TXLNB: variants seen among roughly 807,000 people sequenced by gnomAD.
TXLNB encodes beta-taxilin.
Under a neutral mutation model 57.4 loss-of-function variants are expected in TXLNB, and 37 were observed. That is an observed-to-expected ratio of 0.64 (90% CI 0.50 to 0.85). The LOEUF (loss-of-function observed/expected upper bound fraction) is 0.85, where lower values mean the gene tolerates loss of function less well. Ranked by LOEUF, TXLNB falls within the 40% of genes least tolerant of loss-of-function variation. The pLI, the probability that TXLNB is intolerant of heterozygous loss-of-function variation, is 0.00. For synonymous variants in TXLNB, 302 were observed against 309.6 expected (o/e 0.98, Z 0.26); for missense variants, 848 against 825.6 (o/e 1.03, Z -0.33).
At chr6:139,301,011 T>C in the TXLNB span, among the ~76,000 whole-genome samples, 1 of 152,240 alleles carries the variant, frequency 6.6e-6, no homozygotes, top group African/African-American at 2.4e-5. Flanking sequence ...CCATTCTGTA[T>C]AAATTTGGAA....
chr6:139,212,315 G>A, the TXLNB span, among the ~76,000 whole-genome samples: 1 of 152,220 alleles, frequency 6.6e-6, no homozygotes, highest in South Asian at 2.1e-4. Flanking sequence ...GAGAGTGGGG[G>A]CCAATATTCA....
In TXLNB at chr6:139,263,786, T is replaced by C. The variant is rs1776546578; in HGVS notation, c.688-1013A>G. On this transcript the variant is annotated intron_variant, in intron 4 of 9. Coordinates refer to ENST00000358430, the MANE Select transcript of TXLNB (RefSeq NM_153235.4). ...CAGACATTTTAGGATTCCTTTCAGT[T>C]CTGATTAATTGTTAATATGAAAGCT... Among the ~76,000 whole-genome samples the C allele has an allele frequency of 4.6e-5, 7 of 152,230 alleles. 1 individual carries two copies. Among genetic ancestry groups the C allele is most frequent in the Admixed American group, 4.6e-4 (7 of 15,284 alleles).
the TXLNB span, among the ~76,000 whole-genome samples, chr6:139,299,535 C>T: frequency 6.6e-6 from 1 of 152,286 alleles, no homozygotes; most frequent in East Asian, 1.9e-4. Flanking sequence ...TCCTTCCCTC[C>T]CCTCTTCTCA....
At chr6:139,174,805 T>A in the TXLNB span, among the ~76,000 whole-genome samples, 1 of 152,146 alleles carries the variant, frequency 6.6e-6, no homozygotes, top group Non-Finnish European at 1.5e-5. Context: ...ATGCTTGCAT[T>A]TGTAAGTAAG....
At position 139,241,652 on chromosome 6, in the gene TXLNB, G is replaced by A. The variant is rs1775936009; in HGVS notation, c.*874C>T. The A allele has an allele frequency of 6.6e-6, 1 of 152,250 alleles. No homozygotes were observed. The highest frequency in any genetic ancestry group is 2.1e-4 in the South Asian group (1 of 4,828). The allele number at this position is 152,250 out of a possible 1,614,324, so 9.4% of individuals were successfully genotyped here. On this transcript the variant is annotated 3_prime_UTR_variant, in exon 10 of 10. Transcript: ENST00000358430. ...TGTAGGAGAAGCAGCTCCAAGAGGT[G>A]AGCTTGTGTTTCTCTTTTCTGTTTT...
At chr6:139,302,323 A>C in the TXLNB span, among the ~76,000 whole-genome samples, 1 of 149,202 alleles carries the variant, frequency 6.7e-6, no homozygotes, top group East Asian at 2.0e-4. Flanking sequence ...GAGAGGAGAA[A>C]AAAAAAAAAA....
chr6:139,287,943 G>A (rs1583031405), intron 2 of TXLNB, among the ~76,000 whole-genome samples: 1 of 152,348 alleles, frequency 6.6e-6, no homozygotes, highest in African/African-American at 2.4e-5. Flanking sequence ...ACCTAGCACA[G>A]TGCCTTACAA....
chr6:139,289,983 A>G (rs981478387), intron 1 of TXLNB, among the ~76,000 whole-genome samples: 1 of 152,144 alleles, frequency 6.6e-6, no homozygotes, highest in Non-Finnish European at 1.5e-5. Context: ...CTTTTCTGGC[A>G]TTTTCTTTTT....
the TXLNB span, among the ~76,000 whole-genome samples, chr6:139,314,956 A>G: frequency 1.3e-5 from 2 of 152,172 alleles, no homozygotes; most frequent in African/African-American, 4.8e-5. Flanking sequence ...TGCAGAACAA[A>G]CAAATTAGCT....
the TXLNB span, among the ~76,000 whole-genome samples, chr6:139,168,796 G>A: frequency 6.6e-6 from 1 of 152,196 alleles, no homozygotes; most frequent in Non-Finnish European, 1.5e-5. Flanking sequence ...CAACGTCTGA[G>A]AATATCCTGA....
At chr6:139,228,616 C>G in the TXLNB span, among the ~76,000 whole-genome samples, 1 of 151,264 alleles carries the variant, frequency 6.6e-6, no homozygotes, top group Non-Finnish European at 1.5e-5. Context: ...GATTAAGTTT[C>G]TCTTCTTGCA....
chr6:139,288,583 G>A lies in TXLNB; in HGVS notation c.317C>T (p.Thr106Ile). Residue 106 changes from threonine (T) to isoleucine (I), a missense_variant, in exon 2 of 10, where the codon ACT becomes ATT. By Grantham distance (89) the Thr-to-Ile change is moderately conservative. Coordinates refer to ENST00000358430, the MANE Select transcript of TXLNB (RefSeq NM_153235.4). ...DNEDGDCEETTEEAGREPVAS... is the reference protein window; with the variant it reads ...DNEDGDCEETIEEAGREPVAS... Reference sequence around the variant, plus strand: ...AACGGGTTCTCTTCCAGCCTCTTCAGTTGTTTCCTCACAGTCCCCATCCTC... The same window carrying A: ...AACGGGTTCTCTTCCAGCCTCTTCAATTGTTTCCTCACAGTCCCCATCCTC... 1.2e-6 allele frequency: 2 copies of A among 1,614,186 alleles called. No individual in the cohort carries two copies. Among genetic ancestry groups the A allele is most frequent in the Non-Finnish European group, 1.7e-6 (2 of 1,180,036 alleles).
At chr6:139,279,438 A>G (rs1309445368) in intron 2 of TXLNB, among the ~76,000 whole-genome samples, 3 of 152,242 alleles carry the variant, frequency 2.0e-5, no homozygotes, top group Non-Finnish European at 4.4e-5. Context: ...CAGGAAACAG[A>G]ATTTCTATTT....
At chr6:139,281,041 GATTT>G (rs577626653) in intron 2 of TXLNB, among the ~76,000 whole-genome samples, 3 of 152,030 alleles carry the variant, frequency 2.0e-5, no homozygotes, top group East Asian at 3.9e-4. Context: ...CTAGTTGAGT[GATTT>G]ATTTATTTAT....
At chr6:139,200,492 A>G in the TXLNB span, among the ~76,000 whole-genome samples, 1 of 152,202 alleles carries the variant, frequency 6.6e-6, no homozygotes, top group East Asian at 1.9e-4. Context: ...TTGAGCAGGG[A>G]AAAACAATGA....
the TXLNB span, among the ~76,000 whole-genome samples, chr6:139,217,864 C>CAAAAAAA: frequency 7.4e-4 from 38 of 51,638 alleles, no homozygotes; most frequent in African/African-American, 1.3e-3. Flanking sequence ...GCAAGAGTCT[C>CAAAAAAA]AAAAAAAAAA....
chr6:139,295,588 G>A (rs1777375652), upstream of TXLNB, among the ~76,000 whole-genome samples: 1 of 150,520 alleles, frequency 6.6e-6, no homozygotes, highest in African/African-American at 2.4e-5. Context: ...TTGGGGGGGG[G>A]ATTTACTTTA....
the TXLNB span, among the ~76,000 whole-genome samples, chr6:139,164,415 T>C: frequency 2.6e-5 from 4 of 152,114 alleles, no homozygotes; most frequent in Admixed American, 2.0e-4. Context: ...CTACAGATAC[T>C]GAGTGCTCAG....
At chr6:139,207,676 A>G in the TXLNB span, among the ~76,000 whole-genome samples, 1 of 152,358 alleles carries the variant, frequency 6.6e-6, no homozygotes, top group East Asian at 1.9e-4. Context: ...AACTACAAAC[A>G]ATAAATGAAC....
Sources: gnomAD v4.1 joint callset for allele counts (sites outside exome capture counted in the v4.1 genomes callset) on GRCh38, gnomAD v4.1.1 for gene constraint, MANE v1.5 for transcripts, NCBI Gene and HGNC (gene_info 2026-07-23, HGNC 2026-07-21) for gene names.